Variants in LRRC7 observed in about 807,000 individuals in gnomAD.
LRRC7 encodes leucine-rich repeat-containing protein 7.
In LRRC7, 23 loss-of-function variants were observed where a neutral mutation model predicts 175.7. The ratio of observed to expected loss-of-function variants is 0.13; its 90% CI spans 0.09 to 0.19. The LOEUF is 0.19. Among genes scored for constraint, LRRC7 ranks in the 10% least tolerant of loss-of-function variants. The probability of loss-of-function intolerance (pLI) is 1.00; values close to 1 mark genes in which losing one functional copy is unlikely to be tolerated. For synonymous variants in LRRC7, 685 were observed against 680.9 expected, an observed-to-expected ratio of 1.01 and a Z score of -0.09; for missense variants, 1,354 against 1,904.7, an observed-to-expected ratio of 0.71 and a Z score of 5.38.
chr1:70,082,452 AGTTT>A (rs1360779011), intron 24 of LRRC7, among the ~76,000 whole-genome samples: 2 of 152,206 alleles, frequency 1.3e-5, no homozygotes, highest in Non-Finnish European at 2.9e-5. Flanking sequence ...TGTAATTCAT[AGTTT>A]GACACAGAGA....
At chr1:69,827,012 T>C (rs1174982714) in intron 5 of LRRC7, among the ~76,000 whole-genome samples, 2 of 152,114 alleles carry the variant, frequency 1.3e-5, no homozygotes, top group African/African-American at 4.8e-5. Context: ...GTAGGAAATG[T>C]AAAACATCAA....
chr1:70,073,172 G>T (rs1043622889), intron 23 of LRRC7, among the ~76,000 whole-genome samples: 4 of 151,988 alleles, frequency 2.6e-5, no homozygotes, highest in East Asian at 1.9e-4. Flanking sequence ...GGTGTTTTTT[G>T]AATGTAAACA....
chr1:69,867,425 G>A (rs138022266), intron 7 of LRRC7, among the ~76,000 whole-genome samples: 2 of 152,146 alleles, frequency 1.3e-5, no homozygotes, highest in Admixed American at 6.5e-5. Flanking sequence ...AGAGCCATAC[G>A]AAAGGATTGG....
chr1:69,963,552 G>A (rs1651351095), intron 8 of LRRC7, among the ~76,000 whole-genome samples: 1 of 152,124 alleles, frequency 6.6e-6, no homozygotes, highest in African/African-American at 2.4e-5. Context: ...TCAAGCAGGA[G>A]TAATTATACT....
In LRRC7 at chr1:69,972,389, C is replaced by A. The variant is rs542343641; in HGVS notation, c.712-7990C>A. On this transcript the variant is annotated intron_variant, in intron 8 of 26. Transcript: ENST00000651989. ...ATACATCTGAAAAAGGACTAATGTG[C>A]AGAATCTACAACAAACTCAAACTAA... Among the ~76,000 whole-genome samples, 5 of 152,316 alleles carry A rather than the reference C, an allele frequency of 3.3e-5. No individual in the cohort carries two copies. In the East Asian group the frequency reaches 9.6e-4, roughly 29 times the overall value.
At chr1:69,947,108 AAAATAAATAAATAAATAAAT>A (rs369706064) in intron 8 of LRRC7, among the ~76,000 whole-genome samples, 3 of 147,024 alleles carry the variant, frequency 2.0e-5, no homozygotes, top group African/African-American at 7.6e-5. Context: ...ACTGTGTCTC[AAAATAAATAAATAAATAAAT>A]AAATAAATAA....
At position 70,028,447 on chromosome 1, in the gene LRRC7, G is replaced by A. The variant is rs556825444; in HGVS notation, c.1995+76G>A. On this transcript the variant is annotated intron_variant, in intron 18 of 26. Transcript: ENST00000651989. ...TTTAAATATGTTTTTTAACTGAATA[G>A]ATCTTCCTTGATAAGTGCATTTTTT... 2.6e-5 allele frequency: 33 copies of A among 1,249,040 alleles called. No individual in the cohort carries two copies. The South Asian group carries it at 3.7e-4, about 14-fold the overall frequency. 77.4% of individuals were successfully genotyped at this position (1,249,040 alleles called of 1,614,324 possible). A position where few individuals can be genotyped will look rare whatever the true frequency, so the allele number is the denominator to read the frequency against.
chr1:69,575,866 A>C (rs1645924396), intron 1 of LRRC7, among the ~76,000 whole-genome samples: 1 of 152,186 alleles, frequency 6.6e-6, no homozygotes, highest in Non-Finnish European at 1.5e-5. Context: ...ATGAATTAGG[A>C]AACCATTCTA....
intron 1 of LRRC7, among the ~76,000 whole-genome samples, chr1:69,661,421 T>A (rs1657457001): frequency 6.6e-6 from 1 of 152,196 alleles, no homozygotes; most frequent in African/African-American, 2.4e-5. Context: ...CCAGAAATTA[T>A]AACCATGAGT....
intron 26 of LRRC7, among the ~76,000 whole-genome samples, chr1:70,116,593 C>T (rs1665879062): frequency 1.3e-5 from 2 of 148,524 alleles, no homozygotes; most frequent in African/African-American, 4.9e-5. Flanking sequence ...ATGTTTTGTT[C>T]TGCAAAGGTT....
At chr1:69,814,508 C>G (rs1488119306) in intron 4 of LRRC7, among the ~76,000 whole-genome samples, 1 of 152,126 alleles carries the variant, frequency 6.6e-6, no homozygotes, top group African/African-American at 2.4e-5. Context: ...ATCAAATACT[C>G]AGAATAACCC....
Position 69,934,814 on chromosome 1 carries a change from A to ACCCTCC in LRRC7, c.711+3249_711+3254dup, listed in dbSNP as rs796384140. ...TCATCCTCTTTGCTGACCATGGCCA[A>ACCCTCC]CCCTCCCCCTAGTCTAGACCCAGCT... On this transcript the variant is annotated intron_variant, in intron 8 of 26. Transcript: ENST00000651989. Among the ~76,000 whole-genome samples the ACCCTCC allele has an allele frequency of 4.7e-4, 71 of 151,990 alleles. 2 individuals are homozygous for ACCCTCC. Among genetic ancestry groups the ACCCTCC allele is most frequent in the African/African-American group, 1.5e-3 (64 of 41,452 alleles).
chr1:69,968,401 TC>T (rs1651876633), intron 8 of LRRC7, among the ~76,000 whole-genome samples: 2 of 152,246 alleles, frequency 1.3e-5, no homozygotes, highest in South Asian at 2.1e-4. Flanking sequence ...GAGGAAAACT[TC>T]CCCAGCCTTG....
At chr1:69,717,834 GAAAGAAAAAAGAAAGAAAGGAAAGAAA>G (rs1665667993) in intron 2 of LRRC7, among the ~76,000 whole-genome samples, 4 of 30,214 alleles carry the variant, frequency 1.3e-4, no homozygotes, top group African/African-American at 6.0e-4. Flanking sequence ...AAGAAAGAAA[GAAAGAAAAAAGAAAGAAAGGAAAGAAA>G]GAAAGAAAGA....
At chr1:69,744,202 T>C (rs529133057) in intron 2 of LRRC7, among the ~76,000 whole-genome samples, 2 of 152,016 alleles carry the variant, frequency 1.3e-5, no homozygotes, top group Non-Finnish European at 2.9e-5. Flanking sequence ...TATATTTACT[T>C]ATTTCCAAGT....
chr1:69,851,664 A>G (rs1683002865), intron 7 of LRRC7, among the ~76,000 whole-genome samples: 1 of 152,178 alleles, frequency 6.6e-6, no homozygotes. Context: ...AGAAAATATT[A>G]GAGGTTTAAG....
intron 3 of LRRC7, among the ~76,000 whole-genome samples, chr1:69,786,443 CT>C (rs1004560955): frequency 3.4e-5 from 5 of 146,242 alleles, no homozygotes; most frequent in Non-Finnish European, 6.0e-5. Context: ...TCCTTTTTTT[CT>C]TCTTTTTCAT....
intron 26 of LRRC7, among the ~76,000 whole-genome samples, chr1:70,108,278 G>A (rs1665280258): frequency 6.6e-6 from 1 of 151,868 alleles, no homozygotes; most frequent in Admixed American, 6.6e-5. Context: ...TACTCCCCCT[G>A]CTTAGATAAA....
chr1:69,634,678 T>A (rs1056917293), intron 1 of LRRC7, among the ~76,000 whole-genome samples: 11 of 152,114 alleles, frequency 7.2e-5, no homozygotes, highest in African/African-American at 2.7e-4. Flanking sequence ...CTTTCTCTCT[T>A]AGCTTTGAGC....
Sources: gnomAD v4.1 joint callset for allele counts (sites outside exome capture counted in the v4.1 genomes callset) on GRCh38, gnomAD v4.1.1 for gene constraint, MANE v1.5 for transcripts, NCBI Gene and HGNC (gene_info 2026-07-23, HGNC 2026-07-21) for gene names.